The following EXT1 variants were observed in gnomAD, a reference collection of about 807,000 sequenced individuals.
EXT1 encodes exostosin-1.
In EXT1, 20 loss-of-function variants were observed where a neutral mutation model predicts 82.5. That is an observed-to-expected ratio of 0.24 (90% CI 0.17 to 0.35). EXT1 has a LOEUF of 0.35. EXT1 is among the 10% of genes least tolerant of loss of function. The pLI, the probability that EXT1 is intolerant of heterozygous loss-of-function variation, is 1.00. For synonymous variants in EXT1, 348 were observed against 350.8 expected (o/e 0.99, Z 0.09); for missense variants, 757 against 936.5 (o/e 0.81, Z 2.50).
intron 1 of EXT1, among the ~76,000 whole-genome samples, chr8:117,934,056 A>C (rs1249463379): frequency 2.0e-5 from 3 of 151,972 alleles, no homozygotes; most frequent in Non-Finnish European, 4.4e-5. Flanking sequence ...CAACCACAGG[A>C]ACACTCCTGT....
chr8:118,073,627 AG>A lies in EXT1; in HGVS notation c.962+36457del, dbSNP rs796431376. Among the ~76,000 whole-genome samples the A allele has an allele frequency of 2.2e-3, 305 of 137,924 alleles. 1 individual carries two copies. The highest frequency in any genetic ancestry group is 8.0e-3 in the African/African-American group (260 of 32,358). 90.5% of individuals were successfully genotyped at this position (137,924 alleles called of 152,430 possible). A position where few individuals can be genotyped will look rare whatever the true frequency, so the allele number is the denominator to read the frequency against. On this transcript the variant is annotated intron_variant, in intron 1 of 10. Transcript: ENST00000378204. ...AGAGAGAGGAAAGGAAGAGAAGAGA[AG>A]AGAAAGAAGAGAAGAGAAGAGAAGA...
chr8:117,864,489 C>T lies in EXT1; in HGVS notation c.963-27288G>A, dbSNP rs138066971. Among the ~76,000 whole-genome samples, 333 of 152,348 alleles carry T rather than the reference C, an allele frequency of 2.2e-3. 1 individual carries two copies. The highest frequency in any genetic ancestry group is 7.6e-3 in the African/African-American group (317 of 41,580). On this transcript the variant is annotated intron_variant, in intron 1 of 10. Transcript: ENST00000378204. Reference sequence around the variant, plus strand: ...TCGCGATCAGGAGCAGTGGCTCACGCCTGTAATCCCAGCACTTTGGGAGGC... The same window carrying T: ...TCGCGATCAGGAGCAGTGGCTCACGTCTGTAATCCCAGCACTTTGGGAGGC...
chr8:117,974,273 C>T (rs1019810081), intron 1 of EXT1, among the ~76,000 whole-genome samples: 1 of 152,176 alleles, frequency 6.6e-6, no homozygotes, highest in Non-Finnish European at 1.5e-5. Flanking sequence ...AAATATACAA[C>T]TGAAGGCAAA....
intron 1 of EXT1, among the ~76,000 whole-genome samples, chr8:118,021,670 G>C (rs892333431): frequency 6.6e-6 from 1 of 152,144 alleles, no homozygotes; most frequent in Non-Finnish European, 1.5e-5. Context: ...TTCACTCAAG[G>C]GTTAGGGATA....
intron 1 of EXT1, among the ~76,000 whole-genome samples, chr8:117,969,189 C>A (rs937006403): frequency 6.6e-6 from 1 of 152,166 alleles, no homozygotes; most frequent in South Asian, 2.1e-4. Flanking sequence ...AAAATGTGAA[C>A]AACTGAGATT....
At chr8:118,033,766 C>T (rs1166207723) in intron 1 of EXT1, among the ~76,000 whole-genome samples, 1 of 152,168 alleles carries the variant, frequency 6.6e-6, no homozygotes, top group East Asian at 1.9e-4. Flanking sequence ...AGGTGTGAGC[C>T]ATCACACCCA....
At chr8:118,040,730 G>C (rs1334352044) in intron 1 of EXT1, among the ~76,000 whole-genome samples, 3 of 152,164 alleles carry the variant, frequency 2.0e-5, no homozygotes, top group African/African-American at 7.2e-5. Flanking sequence ...AAGCTCCCTG[G>C]GCAGGGAACT....
chr8:118,032,763 G>C (rs1250030607), intron 1 of EXT1, among the ~76,000 whole-genome samples: 1 of 152,052 alleles, frequency 6.6e-6, no homozygotes, highest in Non-Finnish European at 1.5e-5. Context: ...GCCCGCCTCA[G>C]CCTCCCAAAA....
At chr8:118,021,795 T>C (rs1307938896) in intron 1 of EXT1, among the ~76,000 whole-genome samples, 2 of 152,262 alleles carry the variant, frequency 1.3e-5, no homozygotes, top group East Asian at 3.9e-4. Context: ...GGAAAATGAG[T>C]TCTATTTGCT....
chr8:117,881,307 CA>C (rs1304654414), intron 1 of EXT1, among the ~76,000 whole-genome samples: 4 of 151,650 alleles, frequency 2.6e-5, no homozygotes, highest in African/African-American at 4.8e-5. Flanking sequence ...TCTGGAACTT[CA>C]AAAAAAAGAA....
chr8:118,079,735 G>A (rs779328494), intron 1 of EXT1, among the ~76,000 whole-genome samples: 21 of 130,710 alleles, frequency 1.6e-4, no homozygotes, highest in South Asian at 1.5e-3. Context: ...GAATAGCCCC[G>A]GATTTAGCCC....
chr8:117,858,848 A>AG (rs1337112767), intron 1 of EXT1, among the ~76,000 whole-genome samples: 12 of 31,900 alleles, frequency 3.8e-4, no homozygotes, highest in African/African-American at 1.7e-3. Context: ...AAGGAAGGAA[A>AG]GAAAGAAAGA....
intron 1 of EXT1, among the ~76,000 whole-genome samples, chr8:117,975,484 C>T (rs1406575816): frequency 3.9e-5 from 6 of 152,088 alleles, no homozygotes; most frequent in African/African-American, 1.4e-4. Context: ...CTCACCCTCA[C>T]TCTATCTCCC....
At chr8:118,031,544 TA>T (rs551477136) in intron 1 of EXT1, among the ~76,000 whole-genome samples, 6 of 151,758 alleles carry the variant, frequency 4.0e-5, no homozygotes, top group Middle Eastern at 3.4e-3. Context: ...AAAATTCAAA[TA>T]TTTTTTTCAA....
chr8:118,096,185 A>G lies in EXT1; in HGVS notation c.962+13900T>C, dbSNP rs550202748. Among the ~76,000 whole-genome samples the G allele has an allele frequency of 2.0e-5, 3 of 152,338 alleles. No individual in the cohort carries two copies. In the South Asian group the frequency reaches 6.2e-4, roughly 32 times the overall value. On this transcript the variant is annotated intron_variant, in intron 1 of 10. Coordinates refer to ENST00000378204, the MANE Select transcript of EXT1 (RefSeq NM_000127.3). ...AAGGGGGGGAAGTTTCAATATCTAC[A>G]GACTGTTAAATGATAAAAAGATCAT...
chr8:117,812,335 T>G (rs1359084883), intron 8 of EXT1, among the ~76,000 whole-genome samples: 1 of 152,172 alleles, frequency 6.6e-6, no homozygotes. Context: ...TACCTGAACA[T>G]CTGAAATAGG....
chr8:117,899,056 T>G (rs940320539), intron 1 of EXT1, among the ~76,000 whole-genome samples: 8 of 152,182 alleles, frequency 5.3e-5, no homozygotes, highest in Non-Finnish European at 1.2e-4. Context: ...ATGAAAGCAA[T>G]TTGAATAAAG....
chr8:117,935,168 C>T (rs1248556064), intron 1 of EXT1, among the ~76,000 whole-genome samples: 3 of 152,104 alleles, frequency 2.0e-5, no homozygotes, highest in Admixed American at 6.5e-5. Context: ...GCCTACTACC[C>T]ATCCTGGGCT....
chr8:118,038,860 A>C (rs1386197693), intron 1 of EXT1, among the ~76,000 whole-genome samples: 1 of 152,236 alleles, frequency 6.6e-6, no homozygotes, highest in African/African-American at 2.4e-5. Context: ...CCATGGCCTG[A>C]ACATGGCGTC....
Sources: allele counts gnomAD v4.1 joint callset (sites outside exome capture counted in the v4.1 genomes callset), GRCh38; gene constraint gnomAD v4.1.1; transcripts MANE v1.5; gene names NCBI Gene and HGNC (gene_info 2026-07-23, HGNC 2026-07-21).